The following THSD7B variants were observed in gnomAD, a reference collection of about 807,000 sequenced individuals.
THSD7B encodes thrombospondin type 1 domain containing 7B, also known as thrombospondin type-1 domain-containing protein 7B.
A neutral mutation model predicts 213.6 loss-of-function variants in THSD7B; 138 were observed. The observed-to-expected ratio is 0.65, with a 90% confidence interval of 0.56 to 0.74. The LOEUF (loss-of-function observed/expected upper bound fraction) is 0.74, where lower values mean the gene tolerates loss of function less well. THSD7B is among the 30% of genes least tolerant of loss of function. THSD7B has a pLI of 0.00. For missense variants in THSD7B, 1,931 were observed against 1,991.5 expected (o/e 0.97, Z 0.58); for synonymous variants, 742 against 687.0 (o/e 1.08, Z -1.25).
intron 12 of THSD7B, among the ~76,000 whole-genome samples, chr2:137,352,965 A>G (rs1173773767): frequency 6.6e-6 from 1 of 152,030 alleles, no homozygotes; most frequent in African/African-American, 2.4e-5. Flanking sequence ...AGCTTTTTTA[A>G]TGGTAGAATG....
chr2:137,092,220 C>T (rs1295590220), intron 3 of THSD7B, among the ~76,000 whole-genome samples: 1 of 152,138 alleles, frequency 6.6e-6, no homozygotes, highest in Non-Finnish European at 1.5e-5. Flanking sequence ...CAAGACCAGC[C>T]TGGGCAACAT....
intron 2 of THSD7B, among the ~76,000 whole-genome samples, chr2:136,919,560 C>A (rs1232869135): frequency 6.6e-6 from 1 of 152,204 alleles, no homozygotes; most frequent in Non-Finnish European, 1.5e-5. Flanking sequence ...TTGTGGCAGG[C>A]AGGATTATTA....
chr2:137,676,433 G>T, intron 27 of THSD7B, 91 bp from the exon 28 acceptor site: 1 of 1,175,930 alleles, frequency 8.5e-7, no homozygotes, highest in Non-Finnish European at 1.2e-6. Context: ...TCATTTTACC[G>T]CTTAAATTTC....
chr2:137,530,255 G>T (rs1017604823), intron 15 of THSD7B, among the ~76,000 whole-genome samples: 1 of 151,970 alleles, frequency 6.6e-6, no homozygotes, highest in Non-Finnish European at 1.5e-5. Flanking sequence ...ACGTTTCATG[G>T]ATTTATATGA....
chr2:136,926,387 T>C (rs1684524777), intron 2 of THSD7B, among the ~76,000 whole-genome samples: 1 of 142,034 alleles, frequency 7.0e-6, no homozygotes, highest in Admixed American at 7.0e-5. Context: ...ACCCCTAAAC[T>C]TAAAAAAAAA....
At chr2:137,281,440 G>A (rs1683010297) in intron 12 of THSD7B, among the ~76,000 whole-genome samples, 1 of 151,134 alleles carries the variant, frequency 6.6e-6, no homozygotes, top group Non-Finnish European at 1.5e-5. Context: ...TAAGTTTTAG[G>A]GTACATGTGC....
At chr2:136,868,404 A>T (rs1683380120) in intron 1 of THSD7B, among the ~76,000 whole-genome samples, 3 of 152,184 alleles carry the variant, frequency 2.0e-5, no homozygotes, top group Admixed American at 2.0e-4. Context: ...ATAAATAAAA[A>T]CTTGTAAAGA....
intron 15 of THSD7B, among the ~76,000 whole-genome samples, chr2:137,502,318 G>A (rs1313673042): frequency 1.3e-5 from 2 of 151,774 alleles, no homozygotes; most frequent in Non-Finnish European, 2.9e-5. Flanking sequence ...AAACACACAC[G>A]TATATATGTA....
At chr2:137,266,041 GA>G (rs1461426900) in intron 10 of THSD7B, among the ~76,000 whole-genome samples, 1 of 152,204 alleles carries the variant, frequency 6.6e-6, no homozygotes, top group Non-Finnish European at 1.5e-5. Context: ...ACAGGAATGA[GA>G]CTCAGCTCTG....
chr2:137,464,462 G>A (rs968334739), intron 15 of THSD7B, among the ~76,000 whole-genome samples: 1 of 152,098 alleles, frequency 6.6e-6, no homozygotes, highest in Non-Finnish European at 1.5e-5. Context: ...TGAAGTTTAA[G>A]CTTGTGGGTA....
chr2:137,339,876 C>CT lies in THSD7B; in HGVS notation c.2500+63863dup, dbSNP rs551759095. 3.0e-3 allele frequency among the ~76,000 whole-genome samples: 425 copies of CT among 143,092 alleles called. 1 individual carries two copies. The highest frequency in any genetic ancestry group is 0.018 in the Middle Eastern group (5 of 284). 93.9% of individuals were successfully genotyped at this position (143,092 alleles called of 152,430 possible). ...TTAAGGAAAGAGGGAAAAGAATGGC[C>CT]TTTTTTTTTTTTTAAATCAGACCAA... On this transcript the variant is annotated intron_variant, in intron 12 of 27. Transcript: ENST00000409968.
Position 137,625,124 on chromosome 2 carries a change from A to G in THSD7B, c.3799+4398A>G, listed in dbSNP as rs1573750567. On this transcript the variant is annotated intron_variant, in intron 20 of 27. Transcript: ENST00000409968. The stretch of plus-strand genomic sequence containing the variant: ...GATTAAGAAAATGTGGCACATATAC[A>G]CCATGGAATACTATGCAGCCATAAA... Among the ~76,000 whole-genome samples, 3 of 152,226 alleles carry G rather than the reference A, an allele frequency of 2.0e-5. No homozygotes were observed. In the South Asian group the frequency reaches 6.2e-4, roughly 32 times the overall value.
intron 15 of THSD7B, among the ~76,000 whole-genome samples, chr2:137,476,998 G>C (rs924507382): frequency 1.3e-5 from 2 of 152,288 alleles, no homozygotes; most frequent in South Asian, 4.1e-4. Flanking sequence ...ATAGGTGTTG[G>C]ATGAAATGTT....
intron 2 of THSD7B, among the ~76,000 whole-genome samples, chr2:136,985,474 A>T (rs984437306): frequency 6.6e-6 from 1 of 152,174 alleles, no homozygotes; most frequent in African/African-American, 2.4e-5. Context: ...AAGCCACTGT[A>T]AGCCTTGGTG....
chr2:137,527,323 G>A (rs543051997), intron 15 of THSD7B, among the ~76,000 whole-genome samples: 2 of 152,204 alleles, frequency 1.3e-5, no homozygotes, highest in East Asian at 3.9e-4. Context: ...GTGTGCATGT[G>A]TATAAAAACC....
At chr2:136,811,479 T>C (rs770817447) in intron 1 of THSD7B, among the ~76,000 whole-genome samples, 8 of 152,144 alleles carry the variant, frequency 5.3e-5, no homozygotes, top group Non-Finnish European at 1.2e-4. Flanking sequence ...ATGGGTTACT[T>C]CTTTAGATTA....
At chr2:137,086,346 C>G (rs1021290767) in intron 3 of THSD7B, among the ~76,000 whole-genome samples, 1 of 151,524 alleles carries the variant, frequency 6.6e-6, no homozygotes, top group Non-Finnish European at 1.5e-5. Context: ...CCCCCACCAC[C>G]AAAAAAAGTC....
intron 6 of THSD7B, among the ~76,000 whole-genome samples, chr2:137,162,545 A>C (rs1680037256): frequency 6.6e-6 from 1 of 152,216 alleles, no homozygotes; most frequent in South Asian, 2.1e-4. Context: ...CTGGTACTGC[A>C]GGCAGGTAGA....
At chr2:136,811,318 C>T (rs1301222432) in intron 1 of THSD7B, among the ~76,000 whole-genome samples, 2 of 151,928 alleles carry the variant, frequency 1.3e-5, no homozygotes, top group African/African-American at 4.8e-5. Flanking sequence ...ATTTTTCAAC[C>T]CTCAGGCCTT....
Sources: allele counts gnomAD v4.1 joint callset (sites outside exome capture counted in the v4.1 genomes callset), GRCh38; gene constraint gnomAD v4.1.1; transcripts MANE v1.5; gene names NCBI Gene and HGNC (gene_info 2026-07-23, HGNC 2026-07-21).